Variants in FAR2 observed in about 807,000 individuals in gnomAD.
FAR2 encodes the protein fatty acyl-CoA reductase 2.
Under a neutral mutation model 56.0 loss-of-function variants are expected in FAR2, and 19 were observed. The ratio of observed to expected loss-of-function variants is 0.34; its 90% CI spans 0.24 to 0.50. The LOEUF is 0.50. Among genes scored for constraint, FAR2 ranks in the 20% least tolerant of loss-of-function variants. The pLI is 0.98. For synonymous variants in FAR2, 219 were observed against 218.8 expected (o/e 1.00, Z -0.01); for missense variants, 508 against 642.2 (o/e 0.79, Z 2.26).
intron 1 of FAR2, among the ~76,000 whole-genome samples, chr12:29,250,942 G>T (rs1271393596): frequency 6.6e-6 from 1 of 152,156 alleles, no homozygotes; most frequent in Non-Finnish European, 1.5e-5. Context: ...GGAGTAATTG[G>T]ATCCTAGGGT....
chr12:29,281,261 A>G (rs1041309336), intron 2 of FAR2: 1 of 152,272 alleles, frequency 6.6e-6, no homozygotes, highest in Non-Finnish European at 1.5e-5. Context: ...GACACCTTCT[A>G]TTCAAAAAAG....
At chr12:29,196,020 A>G (rs754552318) in intron 1 of FAR2, among the ~76,000 whole-genome samples, 5 of 152,168 alleles carry the variant, frequency 3.3e-5, no homozygotes, top group African/African-American at 7.2e-5. Context: ...TGTTGCTGCA[A>G]AAGACATGAT....
At chr12:29,301,715 A>T (rs1591947677) in intron 4 of FAR2, 1 of 152,364 alleles carries the variant, frequency 6.6e-6, no homozygotes, top group East Asian at 1.9e-4. Context: ...ATCATTATTG[A>T]GCAATTACTG....
At chr12:29,312,207 T>C (rs1483836506) in intron 8 of FAR2, among the ~76,000 whole-genome samples, 8 of 152,112 alleles carry the variant, frequency 5.3e-5, no homozygotes, top group Non-Finnish European at 1.5e-5. Flanking sequence ...TTAAAAATGA[T>C]GAAACAAAGC....
chr12:29,334,114 C>G lies in FAR2; in HGVS notation c.*320C>G, dbSNP rs1417219205. The G allele has an allele frequency of 5.3e-6, 1 of 186,980 alleles. No individual in the cohort carries two copies. Among genetic ancestry groups the G allele is most frequent in the Non-Finnish European group, 1.1e-5 (1 of 90,882 alleles). The allele number at this position is 186,980 out of a possible 1,614,324, so 11.6% of individuals were successfully genotyped here. On this transcript the variant is annotated 3_prime_UTR_variant, in exon 12 of 12. Coordinates refer to ENST00000536681, the MANE Select transcript of FAR2 (RefSeq NM_001271783.2). ...TTTTTCTTTTCTCTCTGAGATGATTCATTTAAACTCAGTAAATATGGAAAG... is the reference window on the plus strand; with the variant it reads ...TTTTTCTTTTCTCTCTGAGATGATTGATTTAAACTCAGTAAATATGGAAAG...
intron 1 of FAR2, among the ~76,000 whole-genome samples, chr12:29,258,703 A>C (rs1021750042): frequency 2.0e-5 from 3 of 152,230 alleles, no homozygotes; most frequent in African/African-American, 7.2e-5. Flanking sequence ...GATTATGTAT[A>C]GAGTCATCCA....
At chr12:29,178,486 C>G (rs1387761114) in intron 1 of FAR2, among the ~76,000 whole-genome samples, 1 of 152,098 alleles carries the variant, frequency 6.6e-6, no homozygotes, top group East Asian at 1.9e-4. Flanking sequence ...GTTCCAGCTA[C>G]CTGGGAGGCT....
chr12:29,317,085 C>T (rs1327948780), intron 9 of FAR2, 73 bp downstream of exon 9: 1 of 1,459,056 alleles, frequency 6.9e-7, no homozygotes, highest in South Asian at 1.3e-5. Context: ...TTTAGTGCTT[C>T]CTTCAGCCGA....
intron 10 of FAR2, among the ~76,000 whole-genome samples, chr12:29,324,692 C>G (rs1949614676): frequency 6.6e-6 from 1 of 152,210 alleles, no homozygotes; most frequent in East Asian, 1.9e-4. Context: ...TACAGACAAG[C>G]AAATGCTGAG....
chr12:29,188,457 A>G (rs952095291), intron 1 of FAR2, among the ~76,000 whole-genome samples: 2 of 140,996 alleles, frequency 1.4e-5, no homozygotes, highest in African/African-American at 3.2e-5. Flanking sequence ...GGATAATTTG[A>G]TAATTTGGGG....
At chr12:29,286,863 G>A (rs1948884708) in intron 2 of FAR2, among the ~76,000 whole-genome samples, 1 of 151,972 alleles carries the variant, frequency 6.6e-6, no homozygotes, top group Non-Finnish European at 1.5e-5. Context: ...CACAGAATAC[G>A]ATTTTAAATG....
intron 1 of FAR2, among the ~76,000 whole-genome samples, chr12:29,215,946 C>T (rs1947616417): frequency 6.6e-6 from 1 of 152,158 alleles, no homozygotes; most frequent in Non-Finnish European, 1.5e-5. Flanking sequence ...CTAGGGTTCA[C>T]CCTTCTGCAT....
intron 10 of FAR2, among the ~76,000 whole-genome samples, chr12:29,324,986 T>A (rs928553268): frequency 2.3e-4 from 32 of 138,784 alleles, no homozygotes; most frequent in African/African-American, 8.2e-4. Context: ...ACCATCAGTG[T>A]GCTGTATTCA....
At chr12:29,225,863 T>C (rs1947760600) in intron 1 of FAR2, among the ~76,000 whole-genome samples, 1 of 152,168 alleles carries the variant, frequency 6.6e-6, no homozygotes, top group South Asian at 2.1e-4. Flanking sequence ...GGTTTGGAAA[T>C]AACACACATG....
chr12:29,325,056 T>C (rs1949622269), intron 10 of FAR2, among the ~76,000 whole-genome samples: 1 of 151,426 alleles, frequency 6.6e-6, no homozygotes, highest in South Asian at 2.1e-4. Context: ...TGGAGGAAGA[T>C]CTACCAAGCA....
intron 1 of FAR2, among the ~76,000 whole-genome samples, chr12:29,238,749 A>C (rs1187080572): frequency 6.6e-6 from 1 of 152,180 alleles, no homozygotes. Context: ...TATTTCAACC[A>C]AGGAACTTTT....
At chr12:29,190,346 A>G (rs7968949) in intron 1 of FAR2, among the ~76,000 whole-genome samples, 26,253 of 150,990 alleles carry the variant, frequency 0.17, 2,457 homozygotes, top group South Asian at 0.28. Flanking sequence ...ATCAGCACTG[A>G]GTCCCAAGAC....
intron 1 of FAR2, among the ~76,000 whole-genome samples, chr12:29,203,999 C>CAA (rs34399942): frequency 0.14 from 9,677 of 67,584 alleles, 2,115 homozygotes; most frequent in East Asian, 0.17. Context: ...GATTCCATCT[C>CAA]AAAAAAAAAA....
chr12:29,265,441 C>T (rs1948498083), intron 1 of FAR2, among the ~76,000 whole-genome samples: 1 of 152,148 alleles, frequency 6.6e-6, no homozygotes, highest in Non-Finnish European at 1.5e-5. Flanking sequence ...ACAATCTCTT[C>T]TATAAATGGT....
Sources: allele counts gnomAD v4.1 joint callset (sites outside exome capture counted in the v4.1 genomes callset), GRCh38; gene constraint gnomAD v4.1.1; transcripts MANE v1.5; gene names NCBI Gene and HGNC (gene_info 2026-07-23, HGNC 2026-07-21).